Variants in NRXN3 observed in about 807,000 individuals in gnomAD.
The protein encoded by NRXN3 is neurexin 3.
A neutral mutation model predicts 137.6 loss-of-function variants in NRXN3; 32 were observed. The observed-to-expected ratio is 0.23, with a 90% CI of 0.18 to 0.31. NRXN3 has a LOEUF of 0.31. NRXN3 is among the 10% of genes least tolerant of loss of function. The pLI is 1.00. For synonymous variants in NRXN3, 798 were observed against 784.5 expected, an observed-to-expected ratio of 1.02 and a Z score of -0.29; for missense variants, 1,574 against 2,062.5, an observed-to-expected ratio of 0.76 and a Z score of 4.59.
chr14:78,741,612 T>C (rs2098573518), intron 8 of NRXN3, among the ~76,000 whole-genome samples: 1 of 152,210 alleles, frequency 6.6e-6, no homozygotes, highest in Admixed American at 6.5e-5. Flanking sequence ...CATATGTTCA[T>C]GAAAGCATCA....
At chr14:78,958,650 A>C (rs1010319726) in intron 11 of NRXN3, among the ~76,000 whole-genome samples, 6 of 152,176 alleles carry the variant, frequency 3.9e-5, no homozygotes, top group African/African-American at 1.4e-4. Flanking sequence ...CCATCGCGCC[A>C]GGCCTTACAT....
At position 79,706,962 on chromosome 14, in the gene NRXN3, C is replaced by T. The variant is rs529324867; in HGVS notation, c.4014+9025C>T. On this transcript the variant is annotated intron_variant, in intron 19 of 20. Coordinates refer to ENST00000335750, the MANE Select transcript of NRXN3 (RefSeq NM_001330195.2). ...TATGCACTCTTAACCTGTCTATTCTCATTCGTTTGTCGCCACCGGACTTCG... is the reference window on the plus strand; with the variant it reads ...TATGCACTCTTAACCTGTCTATTCTTATTCGTTTGTCGCCACCGGACTTCG... 9.2e-5 allele frequency among the ~76,000 whole-genome samples: 14 copies of T among 152,210 alleles called. No homozygotes were observed. In the East Asian group the frequency reaches 2.5e-3, roughly 28 times the overall value.
At chr14:78,759,773 A>G (rs1047349445) in intron 8 of NRXN3, among the ~76,000 whole-genome samples, 2 of 152,212 alleles carry the variant, frequency 1.3e-5, no homozygotes, top group African/African-American at 4.8e-5. Flanking sequence ...AGGAGTAGAA[A>G]TTTGTCTCAG....
intron 19 of NRXN3, among the ~76,000 whole-genome samples, chr14:79,766,347 C>T (rs983411503): frequency 6.6e-6 from 1 of 152,104 alleles, no homozygotes; most frequent in East Asian, 1.9e-4. Flanking sequence ...ATGTGGCTAA[C>T]GATTCATGCC....
At chr14:78,565,030 G>A (rs1289581400) in intron 4 of NRXN3, among the ~76,000 whole-genome samples, 1 of 152,150 alleles carries the variant, frequency 6.6e-6, no homozygotes, top group Non-Finnish European at 1.5e-5. Flanking sequence ...ATGCTATTTT[G>A]TATGACCATA....
At chr14:78,199,434 C>T (rs1446216410) in intron 1 of NRXN3, among the ~76,000 whole-genome samples, 1 of 152,182 alleles carries the variant, frequency 6.6e-6, no homozygotes, top group Non-Finnish European at 1.5e-5. Flanking sequence ...TTACTATGTG[C>T]TGGGTGCTCT....
At chr14:79,575,966 G>T (rs1327853581) in intron 16 of NRXN3, among the ~76,000 whole-genome samples, 1 of 152,048 alleles carries the variant, frequency 6.6e-6, no homozygotes, top group Non-Finnish European at 1.5e-5. Context: ...CTTTCTTTCA[G>T]GGAAGAAGAA....
chr14:79,788,989 G>A (rs991907643), intron 19 of NRXN3, among the ~76,000 whole-genome samples: 22 of 152,282 alleles, frequency 1.4e-4, no homozygotes, highest in African/African-American at 5.3e-4. Flanking sequence ...TCAGAGAATT[G>A]AAAACATTTA....
At chr14:78,397,910 T>A (rs1243877261) in intron 4 of NRXN3, among the ~76,000 whole-genome samples, 1 of 150,624 alleles carries the variant, frequency 6.6e-6, no homozygotes, top group Non-Finnish European at 1.5e-5. Context: ...TGGCCTGAAG[T>A]GCTTTTAAAA....
chr14:78,816,620 T>C (rs1171611089), intron 10 of NRXN3, among the ~76,000 whole-genome samples: 1 of 152,212 alleles, frequency 6.6e-6, no homozygotes. Context: ...TATATACTTT[T>C]GTTCATTAGT....
chr14:78,614,159 T>C (rs946498351), intron 4 of NRXN3, among the ~76,000 whole-genome samples: 5 of 152,142 alleles, frequency 3.3e-5, no homozygotes, highest in African/African-American at 1.2e-4. Context: ...AGTAATTCCA[T>C]GTGTGGGAAC....
chr14:78,537,089 T>A (rs1236387483), intron 4 of NRXN3, among the ~76,000 whole-genome samples: 2 of 152,168 alleles, frequency 1.3e-5, no homozygotes, highest in African/African-American at 2.4e-5. Context: ...GTCTTTATAG[T>A]AGCATGATTT....
intron 15 of NRXN3, among the ~76,000 whole-genome samples, chr14:79,123,832 G>C (rs1000508945): frequency 2.0e-5 from 3 of 152,116 alleles, no homozygotes; most frequent in African/African-American, 7.2e-5. Flanking sequence ...AGTTGTGGTT[G>C]GGGAAAGATG....
At chr14:78,597,292 T>C (rs1229527191) in intron 4 of NRXN3, among the ~76,000 whole-genome samples, 2 of 152,230 alleles carry the variant, frequency 1.3e-5, no homozygotes, top group Non-Finnish European at 2.9e-5. Context: ...CACACTGTAC[T>C]GATGACTGAA....
At chr14:78,368,516 AC>A (rs1475309102) in intron 4 of NRXN3, among the ~76,000 whole-genome samples, 11 of 152,094 alleles carry the variant, frequency 7.2e-5, no homozygotes, top group Non-Finnish European at 1.0e-4. Context: ...ACATGGTGAA[AC>A]CCCGTCTCTA....
In NRXN3 at chr14:79,647,213, G is replaced by C. The variant is rs534189844; in HGVS notation, c.3445-16565G>C. On this transcript the variant is annotated intron_variant, in intron 16 of 20. Transcript: ENST00000335750. Reference sequence around the variant, plus strand: ...ATATTGCAATGAATATTTTTTATTTGACAGTCTGTTATAAACGAAAATAAT... The same window carrying C: ...ATATTGCAATGAATATTTTTTATTTCACAGTCTGTTATAAACGAAAATAAT... Among the ~76,000 whole-genome samples the C allele has an allele frequency of 1.5e-5, 2 of 135,346 alleles. 1 individual carries two copies. The highest frequency in any genetic ancestry group is 4.6e-4 in the South Asian group (2 of 4,350). 88.8% of individuals were successfully genotyped at this position (135,346 alleles called of 152,430 possible). A position where few individuals can be genotyped will look rare whatever the true frequency, so the allele number is the denominator to read the frequency against.
At chr14:78,540,363 G>A (rs2096576996) in intron 4 of NRXN3, among the ~76,000 whole-genome samples, 1 of 151,372 alleles carries the variant, frequency 6.6e-6, no homozygotes, top group African/African-American at 2.4e-5. Flanking sequence ...ATTATATAAT[G>A]GCCTTCTTTT....
chr14:78,745,081 C>T (rs746479155), intron 8 of NRXN3: 8 of 152,234 alleles, frequency 5.3e-5, no homozygotes, highest in East Asian at 1.9e-4. Context: ...AATAAAATCT[C>T]AGAAGACCTG....
intron 15 of NRXN3, among the ~76,000 whole-genome samples, chr14:79,228,124 T>A (rs2071410976): frequency 6.6e-6 from 1 of 152,144 alleles, no homozygotes; most frequent in Non-Finnish European, 1.5e-5. Context: ...GCCTGTTAGC[T>A]GAGGACCTTT....
Sources: allele counts gnomAD v4.1 joint callset (sites outside exome capture counted in the v4.1 genomes callset), GRCh38; gene constraint gnomAD v4.1.1; transcripts MANE v1.5; gene names NCBI Gene and HGNC (gene_info 2026-07-23, HGNC 2026-07-21).